Variants in NKIRAS1 observed in about 807,000 individuals in gnomAD.
The protein encoded by NKIRAS1 is NF-kappa-B inhibitor-interacting Ras-like protein 1.
In NKIRAS1, 16 loss-of-function variants were observed where a neutral mutation model predicts 19.8. The observed-to-expected ratio is 0.81, with a 90% confidence interval of 0.55 to 1.23. The LOEUF is 1.23. NKIRAS1 is among the 50% of genes most tolerant of loss of function. The probability of loss-of-function intolerance (pLI) is 0.00; values close to 1 mark genes in which losing one functional copy is unlikely to be tolerated. For missense variants in NKIRAS1, 184 were observed against 220.0 expected, an observed-to-expected ratio of 0.84 and a Z score of 1.04; for synonymous variants, 88 against 79.0, an observed-to-expected ratio of 1.11 and a Z score of -0.61.
intron 4 of NKIRAS1, among the ~76,000 whole-genome samples, chr3:23,895,598 C>T (rs1701897030): frequency 1.3e-5 from 2 of 152,212 alleles, no homozygotes; most frequent in Non-Finnish European, 2.9e-5. Context: ...ATTAACCAGA[C>T]TCTGTGCCTA....
At chr3:23,903,517 CAAAGA>C (rs202013460) in intron 3 of NKIRAS1, among the ~76,000 whole-genome samples, 2,101 of 151,846 alleles carry the variant, frequency 0.014, 53 homozygotes, top group African/African-American at 0.048. Context: ...ACCAACTATA[CAAAGA>C]AAAGAAAACA....
In NKIRAS1 at chr3:23,928,100, C is replaced by CCACACACACACACACACACACA. The variant is rs66482461; in HGVS notation, c.-139-16672_-139-16651dup. Among the ~76,000 whole-genome samples the CCACACACACACACACACACACA allele has an allele frequency of 1.4e-4, 21 of 146,192 alleles. No individual in the cohort carries two copies. In the South Asian group the frequency reaches 3.3e-3, roughly 23 times the overall value. On this transcript the variant is annotated intron_variant, in intron 1 of 4. Transcript: ENST00000421515. ...TCTCTCTCCTCTCTCTCTCTACACA[C>CCACACACACACACACACACACA]CACACACACACACACACACACACAC...
In NKIRAS1 at chr3:23,938,209, C is replaced by CTTTT. The variant is rs11418287; in HGVS notation, c.-140+8110_-140+8113dup. 5.4e-4 allele frequency among the ~76,000 whole-genome samples: 75 copies of CTTTT among 137,630 alleles called. 2 individuals are homozygous for CTTTT. The highest frequency in any genetic ancestry group is 5.3e-4 in the Admixed American group (7 of 13,302). 90.3% of individuals were successfully genotyped at this position (137,630 alleles called of 152,430 possible). ...ACCCTCTCATTGAGAAGTACAGTACCTTTTTTTTTTTTTTTCTTGAGACAG... is the reference window on the plus strand; with the variant it reads ...ACCCTCTCATTGAGAAGTACAGTACCTTTTTTTTTTTTTTTTTTTCTTGAGACAG... On this transcript the variant is annotated intron_variant, in intron 1 of 4. Transcript: ENST00000421515.
chr3:23,934,874 C>A (rs1226738190), intron 1 of NKIRAS1, among the ~76,000 whole-genome samples: 2 of 150,854 alleles, frequency 1.3e-5, no homozygotes, highest in African/African-American at 4.9e-5. Context: ...GACTTATTAT[C>A]TCTGAATTTT....
chr3:23,890,621 A>T lies in NKIRAS1; in HGVS notation c.*2474T>A. The stretch of plus-strand genomic sequence containing the variant: ...ACGCTACATAAATTGGGGTTTCACA[A>T]TTCTTACATTATTTGTCTGTCACAG... On this transcript the variant is annotated 3_prime_UTR_variant, in exon 5 of 5. Transcript: ENST00000425478. 6.4e-7 allele frequency: 1 copy of T among 1,571,666 alleles called. No homozygotes were observed. The highest frequency in any genetic ancestry group is 8.7e-7 in the Non-Finnish European group (1 of 1,153,998).
At chr3:23,901,205 G>T (rs1426163370) in intron 3 of NKIRAS1, among the ~76,000 whole-genome samples, 156 bp from the exon 4 acceptor site, 30 of 148,716 alleles carry the variant, frequency 2.0e-4, no homozygotes, top group African/African-American at 7.5e-4. Flanking sequence ...TTGAAACAGG[G>T]TCCTGTTCTG....
exon 1 of NKIRAS1, chr3:23,946,379 C>A: frequency 1.2e-6 from 1 of 845,888 alleles, no homozygotes; most frequent in Non-Finnish European, 1.4e-6. Flanking sequence ...CCGGAGGAGG[C>A]GCCTCGGGGA....
rs1405479206 is a variant in NKIRAS1, at chr3:23,910,847, T to C, written c.58A>G (p.Ile20Val). ...TTTCCATAAAGGAGCTGCTCCAAAA[T>C]TGCAGTTTTCCCCACAGATAACAAT... ...CGLLSVGKTA[I>V]LEQLLYGNHT... The change falls in exon 3 of 5, where the codon ATT (isoleucine) becomes GTT (valine). Residue 20 changes from isoleucine to valine, a missense_variant. Coordinates refer to ENST00000425478, the MANE Select transcript of NKIRAS1 (RefSeq NM_020345.4). The C allele has an allele frequency of 1.2e-6, 2 of 1,614,100 alleles. No individual in the cohort carries two copies. The highest frequency in any genetic ancestry group is 8.5e-7 in the Non-Finnish European group (1 of 1,179,962).
intron 4 of NKIRAS1, among the ~76,000 whole-genome samples, 164 bp downstream of exon 4, chr3:23,900,644 A>AG: frequency 6.7e-6 from 1 of 148,526 alleles, no homozygotes; most frequent in Non-Finnish European, 1.5e-5. Context: ...TCCGTCTCAA[A>AG]AAAAAAAAAA....
rs1704598198 is a variant in NKIRAS1, at chr3:23,916,931, A to T, written c.-287T>A. Reference sequence around the variant, plus strand: ...CCGAGACCTCGCCGCCAACTCTCTCACCTCTCGAGACGCCCAGGCCGCTCA... The same window carrying T: ...CCGAGACCTCGCCGCCAACTCTCTCTCCTCTCGAGACGCCCAGGCCGCTCA... On this transcript the variant is annotated 5_prime_UTR_variant, in exon 1 of 5. Transcript: ENST00000425478. The T allele has an allele frequency of 6.6e-6, 1 of 152,498 alleles. No homozygotes were observed. The highest frequency in any genetic ancestry group is 2.4e-5 in the African/African-American group (1 of 41,402). The allele number at this position is 152,498 out of a possible 1,614,324, so 9.4% of individuals were successfully genotyped here.
intron 1 of NKIRAS1, among the ~76,000 whole-genome samples, chr3:23,945,065 G>A (rs1705599634): frequency 2.0e-5 from 3 of 151,910 alleles, no homozygotes; most frequent in South Asian, 2.1e-4. Context: ...AAACGGAGAA[G>A]AGGTTTACGG....
At chr3:23,918,522 C>G (rs780357140), upstream of NKIRAS1, 4 of 1,613,862 alleles carry the variant, frequency 2.5e-6, no homozygotes, top group East Asian at 6.7e-5. Context: ...GCAAGCCTGT[C>G]CATCATGGTG....
intron 1 of NKIRAS1, among the ~76,000 whole-genome samples, chr3:23,945,824 G>GGCCCC (rs1312889418): frequency 1.3e-5 from 2 of 150,510 alleles, no homozygotes; most frequent in African/African-American, 4.9e-5. Flanking sequence ...CGCCCGGCCC[G>GGCCCC]GCCCCCCCCT....
At chr3:23,945,298 C>G (rs1226849366) in intron 1 of NKIRAS1, 1 of 156,042 alleles carries the variant, frequency 6.4e-6, no homozygotes, top group Non-Finnish European at 1.4e-5. Flanking sequence ...CAGCCGCCCT[C>G]GCCGCCGCGG....
intron 3 of NKIRAS1, among the ~76,000 whole-genome samples, chr3:23,910,401 T>A (rs1463665022): frequency 1.3e-5 from 2 of 152,106 alleles, no homozygotes; most frequent in South Asian, 2.1e-4. Context: ...GTGATCCGCC[T>A]GCCTCGGCCT....
In NKIRAS1 at chr3:23,890,158, A is replaced by C. The variant is rs973646312; in HGVS notation, c.*2937T>G. Among the ~76,000 whole-genome samples, 1 of 152,198 alleles carries C rather than the reference A, an allele frequency of 6.6e-6. No homozygotes were observed. Among genetic ancestry groups the C allele is most frequent in the African/African-American group, 2.4e-5 (1 of 41,444 alleles). ...ATTGAGCTAAGGGTCACATGAACAC[A>C]GCTGGATGTTCATTGCAGTCTGAAG... On this transcript the variant is annotated 3_prime_UTR_variant, in exon 5 of 5. Transcript: ENST00000425478.
Position 23,893,092 on chromosome 3 carries a change from T to C in NKIRAS1, c.*3A>G, listed in dbSNP as rs111410709. On this transcript the variant is annotated 3_prime_UTR_variant, in exon 5 of 5. Transcript: ENST00000425478. ...AACATACAATTGTGGAAATTACTGA[T>C]TTTTAGTTCTCAGAATTAGAGTTCC... 2,748 of 1,544,080 alleles carry C rather than the reference T, an allele frequency of 1.8e-3. 44 individuals are homozygous for C. In the African/African-American group the frequency reaches 0.033, roughly 19 times the overall value.
chr3:23,907,078 GA>G (rs1262461936), intron 3 of NKIRAS1, among the ~76,000 whole-genome samples: 2 of 151,880 alleles, frequency 1.3e-5, no homozygotes, highest in African/African-American at 2.4e-5. Context: ...ATTTTTAGTA[GA>G]GATGGGGTTT....
chr3:23,907,354 G>A (rs1040803801), intron 3 of NKIRAS1, among the ~76,000 whole-genome samples: 3 of 152,076 alleles, frequency 2.0e-5, no homozygotes, highest in Non-Finnish European at 4.4e-5. Context: ...TTAAGTTTCT[G>A]GGGGGACAAA....
Sources: allele counts gnomAD v4.1 joint callset (sites outside exome capture counted in the v4.1 genomes callset), GRCh38; gene constraint gnomAD v4.1.1; transcripts MANE v1.5; gene names NCBI Gene and HGNC (gene_info 2026-07-23, HGNC 2026-07-21).